TAFA1: variants seen among roughly 807,000 people sequenced by gnomAD.
TAFA1 encodes the protein TAFA chemokine like family member 1, also known as chemokine-like protein TAFA-1.
A neutral mutation model predicts 18.5 loss-of-function variants in TAFA1; 4 were observed. That is an observed-to-expected ratio of 0.22 (90% CI 0.11 to 0.49). The LOEUF (loss-of-function observed/expected upper bound fraction) is 0.49, where lower values mean the gene tolerates loss of function less well. Ranked by LOEUF, TAFA1 falls within the 20% of genes least tolerant of loss-of-function variation. TAFA1 has a pLI of 0.98. For missense variants in TAFA1, 147 were observed against 169.0 expected (o/e 0.87, Z 0.72); for synonymous variants, 56 against 55.2 (o/e 1.01, Z -0.06).
Position 68,498,722 on chromosome 3 carries a change from C to CTTTTTTTTTT in TAFA1, c.260-40008_260-39999dup, listed in dbSNP as rs34030223. 3.6e-4 allele frequency among the ~76,000 whole-genome samples: 35 copies of CTTTTTTTTTT among 97,002 alleles called. 5 individuals carry two copies. The highest frequency in any genetic ancestry group is 1.5e-3 in the East Asian group (5 of 3,360). 63.6% of individuals were successfully genotyped at this position (97,002 alleles called of 152,430 possible). On this transcript the variant is annotated intron_variant, in intron 3 of 4. Transcript: ENST00000478136. ...AATTCCTCCCAAAGCCGTTTGGTGG[C>CTTTTTTTTTT]TTTTTTTTTTTTTTTTTTTTTTTTT...
At chr3:68,341,423 T>A (rs926620094) in intron 2 of TAFA1, among the ~76,000 whole-genome samples, 11 of 152,214 alleles carry the variant, frequency 7.2e-5, no homozygotes, top group Non-Finnish European at 1.6e-4. Context: ...CAAACACTGA[T>A]CTTAGGTTTT....
At chr3:68,237,997 T>A in intron 2 of TAFA1, among the ~76,000 whole-genome samples, 1 of 152,096 alleles carries the variant, frequency 6.6e-6, no homozygotes, top group East Asian at 1.9e-4. Flanking sequence ...TATTTTTTTT[T>A]TTTTCCTTTT....
intron 3 of TAFA1, among the ~76,000 whole-genome samples, chr3:68,419,721 C>T (rs1271566078): frequency 2.6e-5 from 4 of 152,098 alleles, no homozygotes; most frequent in South Asian, 4.1e-4. Context: ...GGAAGGACAA[C>T]CTCTAGATCG....
chr3:68,254,133 G>GTATGTATGTATC (rs751671637), intron 2 of TAFA1, among the ~76,000 whole-genome samples: 20 of 111,116 alleles, frequency 1.8e-4, no homozygotes, highest in African/African-American at 5.6e-4. Flanking sequence ...ATGTATGTAT[G>GTATGTATGTATC]TATCTATCTA....
chr3:68,370,595 G>A (rs1422819078), intron 2 of TAFA1, among the ~76,000 whole-genome samples: 1 of 140,236 alleles, frequency 7.1e-6, no homozygotes, highest in Non-Finnish European at 1.5e-5. Flanking sequence ...AAAATGAATT[G>A]TTAACTATTT....
chr3:68,279,425 A>T (rs1181975520), intron 2 of TAFA1, among the ~76,000 whole-genome samples: 1 of 152,120 alleles, frequency 6.6e-6, no homozygotes, highest in African/African-American at 2.4e-5. Flanking sequence ...TATTAATCTT[A>T]TCAAGATAAA....
At chr3:68,224,952 A>G (rs1473665447) in intron 2 of TAFA1, among the ~76,000 whole-genome samples, 1 of 116,368 alleles carries the variant, frequency 8.6e-6, no homozygotes, top group Non-Finnish European at 1.6e-5. Context: ...TGTGTCACCT[A>G]GGCTGGAGTA....
At chr3:68,244,754 C>T (rs2067044361) in intron 2 of TAFA1, among the ~76,000 whole-genome samples, 1 of 152,136 alleles carries the variant, frequency 6.6e-6, no homozygotes, top group Non-Finnish European at 1.5e-5. Context: ...TATTTGAGCA[C>T]CCACCCTGTG....
At chr3:68,485,267 T>C (rs1049367466) in intron 3 of TAFA1, among the ~76,000 whole-genome samples, 1 of 152,212 alleles carries the variant, frequency 6.6e-6, no homozygotes, top group Admixed American at 6.5e-5. Flanking sequence ...CTTTGCCAGA[T>C]GTCTAACTGA....
intron 2 of TAFA1, among the ~76,000 whole-genome samples, chr3:68,241,732 A>C (rs923722824): frequency 3.9e-5 from 6 of 152,148 alleles, no homozygotes; most frequent in Non-Finnish European, 7.4e-5. Flanking sequence ...ATGAATGGGC[A>C]GAGGAAAGGA....
intron 2 of TAFA1, among the ~76,000 whole-genome samples, chr3:68,083,011 G>T (rs537794855): frequency 2.6e-4 from 40 of 152,242 alleles, no homozygotes; most frequent in African/African-American, 9.4e-4. Context: ...ATTGCAAATT[G>T]TACCTTAATT....
intron 2 of TAFA1, among the ~76,000 whole-genome samples, chr3:68,270,729 A>G (rs1053635109): frequency 1.3e-5 from 2 of 152,174 alleles, no homozygotes; most frequent in Non-Finnish European, 2.9e-5. Context: ...GGTCAAATAT[A>G]ACTTCATTTT....
intron 3 of TAFA1, among the ~76,000 whole-genome samples, chr3:68,478,894 C>A (rs1052517536): frequency 2.7e-4 from 40 of 146,130 alleles, no homozygotes; most frequent in East Asian, 4.0e-4. Context: ...GTCACATATA[C>A]ATTTTTATGT....
At chr3:68,177,919 C>T (rs955243302) in intron 2 of TAFA1, among the ~76,000 whole-genome samples, 20 of 152,064 alleles carry the variant, frequency 1.3e-4, no homozygotes, top group African/African-American at 3.6e-4. Flanking sequence ...CCGAGGTGGG[C>T]GGATCACAAG....
intron 2 of TAFA1, among the ~76,000 whole-genome samples, chr3:68,367,276 A>G (rs2069593444): frequency 6.6e-6 from 1 of 152,226 alleles, no homozygotes; most frequent in African/African-American, 2.4e-5. Context: ...TGTAAATGAC[A>G]GTGTCATTCT....
intron 3 of TAFA1, among the ~76,000 whole-genome samples, chr3:68,526,530 G>T (rs940450404): frequency 6.6e-6 from 1 of 152,010 alleles, no homozygotes; most frequent in African/African-American, 2.4e-5. Context: ...AACCAAAAGT[G>T]ATATTTTAAT....
chr3:68,289,174 G>C (rs1013392119), intron 2 of TAFA1, among the ~76,000 whole-genome samples: 2 of 152,004 alleles, frequency 1.3e-5, no homozygotes, highest in African/African-American at 4.8e-5. Flanking sequence ...TAATACATAG[G>C]AATTGTTTAT....
At chr3:68,417,651 ATTGAGAGGTGGGACCT>A in intron 3 of TAFA1, 1 of 506,286 alleles carries the variant, frequency 2.0e-6, no homozygotes, top group Non-Finnish European at 3.5e-6. Flanking sequence ...CCATTGCAGC[ATTGAGAGGTGGGACCT>A]TTGAGAGGTG....
intron 2 of TAFA1, among the ~76,000 whole-genome samples, chr3:68,386,488 C>G (rs1038597623): frequency 9.9e-5 from 15 of 152,146 alleles, no homozygotes; most frequent in Admixed American, 9.8e-4. Flanking sequence ...TCAATCATTT[C>G]CATTTTACAA....
Sources: gnomAD v4.1 joint callset for allele counts (sites outside exome capture counted in the v4.1 genomes callset) on GRCh38, gnomAD v4.1.1 for gene constraint, MANE v1.5 for transcripts, NCBI Gene and HGNC (gene_info 2026-07-23, HGNC 2026-07-21) for gene names.